The following HHAT variants were observed in gnomAD, a reference collection of about 807,000 sequenced individuals.
HHAT encodes the protein protein-cysteine N-palmitoyltransferase HHAT.
HHAT carries 47 observed loss-of-function variants against 70.8 expected under a neutral mutation model. The ratio of observed to expected loss-of-function variants is 0.66; its 90% CI spans 0.53 to 0.85. The LOEUF (loss-of-function observed/expected upper bound fraction) is 0.85, where lower values mean the gene tolerates loss of function less well. Among genes scored for constraint, HHAT ranks in the 40% least tolerant of loss-of-function variants. HHAT has a pLI of 0.00. For synonymous variants in HHAT, 228 were observed against 247.6 expected (o/e 0.92, Z 0.74); for missense variants, 609 against 604.8 (o/e 1.01, Z -0.07).
intron 4 of HHAT, among the ~76,000 whole-genome samples, chr1:210,389,845 C>T (rs992480731): frequency 6.6e-6 from 1 of 152,160 alleles, no homozygotes; most frequent in Non-Finnish European, 1.5e-5. Context: ...ATCCAATTGC[C>T]TCTTAAAGGC....
intron 1 of HHAT, among the ~76,000 whole-genome samples, chr1:210,331,115 C>G (rs2084943903): frequency 6.6e-6 from 1 of 151,960 alleles, no homozygotes; most frequent in Non-Finnish European, 1.5e-5. Flanking sequence ...TGTGAATCAC[C>G]ATGCCCCACC....
At chr1:210,442,253 T>G (rs2093533275) in intron 7 of HHAT, among the ~76,000 whole-genome samples, 1 of 133,200 alleles carries the variant, frequency 7.5e-6, no homozygotes, top group African/African-American at 2.8e-5. Context: ...TCTATCATTG[T>G]TGGACATTTG....
chr1:210,497,549 G>C (rs1423836777), intron 8 of HHAT, among the ~76,000 whole-genome samples: 2 of 152,112 alleles, frequency 1.3e-5, no homozygotes, highest in Admixed American at 6.5e-5. Flanking sequence ...AAGTTTCTTG[G>C]TTTGATGTTG....
chr1:210,404,706 G>T, intron 6 of HHAT, 27 bp downstream of exon 6: 1 of 1,575,914 alleles, frequency 6.3e-7, no homozygotes, highest in Non-Finnish European at 8.7e-7. Context: ...ATGGGATTGG[G>T]ATTCTATAGC....
chr1:210,470,079 A>G (rs2094176281), intron 8 of HHAT, among the ~76,000 whole-genome samples: 1 of 152,176 alleles, frequency 6.6e-6, no homozygotes, highest in South Asian at 2.1e-4. Flanking sequence ...TCCTGGCCTC[A>G]AGCAATCCTC....
intron 4 of HHAT, among the ~76,000 whole-genome samples, chr1:210,388,572 T>A (rs2091246835): frequency 6.6e-6 from 1 of 152,156 alleles, no homozygotes; most frequent in Non-Finnish European, 1.5e-5. Context: ...TGTACTCAAG[T>A]GGCTGCTGAA....
intron 11 of HHAT, among the ~76,000 whole-genome samples, chr1:210,638,840 G>A (rs1672436622): frequency 1.3e-5 from 2 of 151,986 alleles, no homozygotes; most frequent in Admixed American, 1.3e-4. Flanking sequence ...GGGAGGCCAA[G>A]GTTGCAGTGA....
At chr1:210,602,179 A>C (rs1008462581) in intron 10 of HHAT, among the ~76,000 whole-genome samples, 1 of 152,118 alleles carries the variant, frequency 6.6e-6, no homozygotes, top group African/African-American at 2.4e-5. Flanking sequence ...GTAAAATGAG[A>C]GTGCTGGCAG....
chr1:210,649,254 A>T (rs1674654265), intron 11 of HHAT, among the ~76,000 whole-genome samples: 1 of 152,212 alleles, frequency 6.6e-6, no homozygotes, highest in African/African-American at 2.4e-5. Flanking sequence ...CACACCCAGG[A>T]TCCCCTTTTA....
At chr1:210,662,003 TA>T (rs1349783946) in intron 11 of HHAT, among the ~76,000 whole-genome samples, 1 of 152,328 alleles carries the variant, frequency 6.6e-6, no homozygotes, top group African/African-American at 2.4e-5. Context: ...TTTAAAAAAT[TA>T]ATAAAATAAA....
In HHAT at chr1:210,404,457, T is replaced by A; in HGVS notation, c.469-7T>A. On this transcript the variant is annotated splice_polypyrimidine_tract_variant and splice_region_variant and intron_variant, in intron 5 of 11. Transcript: ENST00000261458. ...TCAAAGGTTGTTCTCTCCTTTTGAT[T>A]TTGTAGAGAAGGTGGTACAAGACAG... 6.2e-7 allele frequency: 1 copy of A among 1,607,498 alleles called. No individual in the cohort carries two copies. The highest frequency in any genetic ancestry group is 8.5e-7 in the Non-Finnish European group (1 of 1,175,714).
chr1:210,328,005 A>G (rs1221607815), upstream of HHAT, among the ~76,000 whole-genome samples: 1 of 152,154 alleles, frequency 6.6e-6, no homozygotes, highest in Non-Finnish European at 1.5e-5. Context: ...GAATTCTAAA[A>G]TCATTAAAAT....
chr1:210,543,298 T>G (rs908462995), intron 9 of HHAT, among the ~76,000 whole-genome samples: 3 of 152,208 alleles, frequency 2.0e-5, no homozygotes, highest in African/African-American at 4.8e-5. Context: ...CTCTGAATTT[T>G]TTTTTCCTCT....
intron 4 of HHAT, among the ~76,000 whole-genome samples, chr1:210,389,303 G>A (rs557594692): frequency 1.2e-4 from 19 of 152,174 alleles, no homozygotes; most frequent in Non-Finnish European, 2.6e-4. Flanking sequence ...TGCTGACATC[G>A]CGGCAATCCT....
chr1:210,369,138 C>T (rs1301586424), intron 3 of HHAT, among the ~76,000 whole-genome samples: 2 of 151,988 alleles, frequency 1.3e-5, no homozygotes, highest in East Asian at 1.9e-4. Flanking sequence ...AAGGAGGTAA[C>T]GTTCTACAGA....
intron 7 of HHAT, among the ~76,000 whole-genome samples, chr1:210,445,179 G>T (rs1180825683): frequency 6.6e-6 from 1 of 152,164 alleles, no homozygotes; most frequent in African/African-American, 2.4e-5. Context: ...TTGTTGACTA[G>T]TGAGCATAAT....
intron 8 of HHAT, among the ~76,000 whole-genome samples, chr1:210,465,091 C>CT (rs2094072044): frequency 6.6e-6 from 1 of 152,108 alleles, no homozygotes; most frequent in African/African-American, 2.4e-5. Context: ...TTTCATTTTT[C>CT]TTATCTCTTA....
chr1:210,618,855 G>A (rs1668275444), intron 10 of HHAT, among the ~76,000 whole-genome samples: 1 of 152,204 alleles, frequency 6.6e-6, no homozygotes. Context: ...TACACAGGAA[G>A]CCATGGACAC....
intron 10 of HHAT, among the ~76,000 whole-genome samples, chr1:210,599,911 C>G (rs141017315): frequency 0.014 from 2,172 of 152,218 alleles, 21 homozygotes; most frequent in Admixed American, 0.029. Flanking sequence ...ACTCCTCCCC[C>G]CTCACCTCTC....
Sources: allele counts gnomAD v4.1 joint callset (sites outside exome capture counted in the v4.1 genomes callset), GRCh38; gene constraint gnomAD v4.1.1; transcripts MANE v1.5; gene names NCBI Gene and HGNC (gene_info 2026-07-23, HGNC 2026-07-21).